The following UBE3C variants were observed in gnomAD, a reference collection of about 807,000 sequenced individuals.
UBE3C encodes the protein ubiquitin protein ligase E3C, also known as ubiquitin-protein ligase E3C.
Under a neutral mutation model 129.4 loss-of-function variants are expected in UBE3C, and 42 were observed. The ratio of observed to expected loss-of-function variants is 0.32; its 90% CI spans 0.25 to 0.42. The LOEUF (loss-of-function observed/expected upper bound fraction) is 0.42. Ranked by LOEUF, UBE3C falls within the 10% of genes least tolerant of loss-of-function variation. UBE3C has a pLI of 1.00. For synonymous variants in UBE3C, 510 were observed against 492.4 expected (o/e 1.04, Z -0.47); for missense variants, 1,049 against 1,319.1 (o/e 0.80, Z 3.17).
intron 13 of UBE3C, among the ~76,000 whole-genome samples, chr7:157,212,560 T>C (rs78403696): frequency 1.3e-5 from 2 of 152,356 alleles, no homozygotes; most frequent in African/African-American, 4.8e-5. Flanking sequence ...GTGAAAACAG[T>C]GCCTGTTAAT....
At chr7:157,160,950 C>T (rs1022793817) in intron 1 of UBE3C, among the ~76,000 whole-genome samples, 7 of 152,078 alleles carry the variant, frequency 4.6e-5, no homozygotes, top group East Asian at 1.9e-4. Context: ...ATCCTTATTT[C>T]GTAACCTTAC....
At chr7:157,212,544 G>T (rs1245188707) in intron 13 of UBE3C, among the ~76,000 whole-genome samples, 1 of 152,124 alleles carries the variant, frequency 6.6e-6, no homozygotes, top group African/African-American at 2.4e-5. Context: ...CAAACATAGC[G>T]ATCTTGTGAA....
chr7:157,219,783 C>G (rs1318338599), intron 14 of UBE3C, among the ~76,000 whole-genome samples: 2 of 152,090 alleles, frequency 1.3e-5, no homozygotes, highest in Non-Finnish European at 2.9e-5. Flanking sequence ...CCTGTAATCC[C>G]AGCTACTTGG....
intron 15 of UBE3C, 178 bp downstream of exon 15, chr7:157,220,954 A>G (rs1795721323): frequency 4.8e-6 from 3 of 620,252 alleles, no homozygotes; most frequent in Admixed American, 6.0e-5. Flanking sequence ...CATTGCGGCC[A>G]CCTCTTCAGC....
intron 5 of UBE3C, 55 bp from the exon 6 acceptor site, chr7:157,178,635 A>G (rs1163625673): frequency 1.3e-6 from 2 of 1,563,378 alleles, no homozygotes; most frequent in African/African-American, 1.3e-5. Flanking sequence ...ACTTGGGGAA[A>G]CTGGTGACAT....
At chr7:157,154,039 G>T in intron 1 of UBE3C, among the ~76,000 whole-genome samples, 1 of 148,260 alleles carries the variant, frequency 6.7e-6, no homozygotes, top group East Asian at 2.0e-4. Flanking sequence ...AAAATGATAG[G>T]CCGGGCACGG....
chr7:157,215,483 T>G (rs1795532437), intron 13 of UBE3C, among the ~76,000 whole-genome samples: 1 of 148,182 alleles, frequency 6.7e-6, no homozygotes, highest in Non-Finnish European at 1.5e-5. Context: ...ATATATTATA[T>G]ATACTAGATA....
intron 5 of UBE3C, among the ~76,000 whole-genome samples, chr7:157,176,074 T>C (rs1214469021): frequency 6.6e-6 from 1 of 152,182 alleles, no homozygotes; most frequent in African/African-American, 2.4e-5. Flanking sequence ...AACGTAACTT[T>C]TGAATGTATT....
chr7:157,169,333 C>T (rs1387379002), intron 3 of UBE3C, among the ~76,000 whole-genome samples: 1 of 151,032 alleles, frequency 6.6e-6, no homozygotes, highest in East Asian at 1.9e-4. Flanking sequence ...TGGGCCTCAC[C>T]ACAGTTGAAA....
At chr7:157,234,097 A>T (rs1427765148) in intron 18 of UBE3C, among the ~76,000 whole-genome samples, 1 of 136,844 alleles carries the variant, frequency 7.3e-6, no homozygotes, top group African/African-American at 2.8e-5. Context: ...AAGCTGAAAC[A>T]TTGTCAGATA....
At chr7:157,253,430 T>C (rs1796668226) in intron 19 of UBE3C, among the ~76,000 whole-genome samples, 1 of 152,226 alleles carries the variant, frequency 6.6e-6, no homozygotes, top group Non-Finnish European at 1.5e-5. Context: ...AGAAATTGGC[T>C]GATCTGTTAT....
chr7:157,223,189 A>G lies in UBE3C; in HGVS notation c.2003-65A>G, dbSNP rs377046920. On this transcript the variant is annotated intron_variant, in intron 15 of 22. Coordinates refer to ENST00000348165, the MANE Select transcript of UBE3C (RefSeq NM_014671.3). ...TGATTTCAAGAATCTTCACCTTAAG[A>G]ATTGTCAGTGGGAATGCAGGGGAAA... 5 of 1,501,498 alleles carry G rather than the reference A, an allele frequency of 3.3e-6. No homozygotes were observed. The East Asian group carries it at 1.1e-4, about 34-fold the overall frequency. The allele number at this position is 1,501,498 out of a possible 1,614,324, so 93.0% of individuals were successfully genotyped here. A position where few individuals can be genotyped will look rare whatever the true frequency, so the allele number is the denominator to read the frequency against.
intron 13 of UBE3C, 46 bp downstream of exon 13, chr7:157,207,981 A>C: frequency 7.6e-7 from 1 of 1,323,732 alleles, no homozygotes; most frequent in Non-Finnish European, 9.8e-7. Flanking sequence ...TGAAAAATGT[A>C]CAAACTTTTG....
intron 17 of UBE3C, among the ~76,000 whole-genome samples, chr7:157,227,436 C>CAGA (rs1328243650): frequency 1.3e-5 from 2 of 152,168 alleles, no homozygotes; most frequent in East Asian, 3.9e-4. Flanking sequence ...CAGTGGCTCA[C>CAGA]GCCTGTAATC....
chr7:157,142,787 C>T (rs6459735), intron 1 of UBE3C, among the ~76,000 whole-genome samples: 10 of 151,810 alleles, frequency 6.6e-5, no homozygotes, highest in Non-Finnish European at 5.9e-5. Context: ...CCCAAACCTC[C>T]GCGTCCTGCA....
chr7:157,233,360 G>A (rs900640896), intron 18 of UBE3C, among the ~76,000 whole-genome samples: 2 of 151,766 alleles, frequency 1.3e-5, no homozygotes, highest in African/African-American at 2.4e-5. Context: ...CTACAAACAC[G>A]GCTCAGTCCT....
At chr7:157,160,970 G>A (rs1808052731) in intron 1 of UBE3C, among the ~76,000 whole-genome samples, 1 of 152,174 alleles carries the variant, frequency 6.6e-6, no homozygotes, top group African/African-American at 2.4e-5. Flanking sequence ...CTGTAATCAT[G>A]AGAGTATTGG....
chr7:157,217,261 T>TTA (rs899379264), intron 14 of UBE3C: 7 of 249,006 alleles, frequency 2.8e-5, no homozygotes, highest in Admixed American at 1.6e-4. Flanking sequence ...TATTTTGCTT[T>TTA]TATTAGTATT....
intron 13 of UBE3C, among the ~76,000 whole-genome samples, chr7:157,208,738 T>G (rs562889195): frequency 3.9e-5 from 6 of 152,238 alleles, no homozygotes; most frequent in Non-Finnish European, 7.3e-5. Context: ...TTTGAGTTAC[T>G]GTGGCTGGAA....
Sources: gnomAD v4.1 joint callset for allele counts (sites outside exome capture counted in the v4.1 genomes callset) on GRCh38, gnomAD v4.1.1 for gene constraint, MANE v1.5 for transcripts, NCBI Gene and HGNC (gene_info 2026-07-23, HGNC 2026-07-21) for gene names.